RADIL: variants seen among roughly 807,000 people sequenced by gnomAD.
RADIL encodes Rap associating with DIL domain, also known as ras-associating and dilute domain-containing protein.
Under a neutral mutation model 97.6 loss-of-function variants are expected in RADIL, and 99 were observed. The ratio of observed to expected loss-of-function variants is 1.01; its 90% CI spans 0.86 to 1.20. The LOEUF is 1.20. Ranked by LOEUF, RADIL falls within the 50% of genes most tolerant of loss-of-function variation. RADIL has a pLI of 0.00. For missense variants in RADIL, 1,765 were observed against 1,498.9 expected (o/e 1.18, Z -2.93); for synonymous variants, 803 against 691.8 (o/e 1.16, Z -2.52).
chr7:4,860,732 G>T (rs758109462), intron 2 of RADIL: 3 of 1,614,034 alleles, frequency 1.9e-6, no homozygotes, highest in Non-Finnish European at 2.5e-6. Flanking sequence ...AAAGAGTTTG[G>T]ACCACTCTGC....
intron 2 of RADIL, among the ~76,000 whole-genome samples, chr7:4,866,173 G>A (rs1365962170): frequency 6.6e-6 from 1 of 152,042 alleles, no homozygotes; most frequent in African/African-American, 2.4e-5. Flanking sequence ...AAGAGATAAG[G>A]TCTCCTCTGT....
intron 12 of RADIL, among the ~76,000 whole-genome samples, chr7:4,800,847 G>A (rs1782059378): frequency 6.6e-6 from 1 of 152,164 alleles, no homozygotes; most frequent in Admixed American, 6.5e-5. Context: ...GGCCTGCCTG[G>A]GACCCAGCTT....
In RADIL at chr7:4,873,121, C is replaced by T. The variant is rs893707015; in HGVS notation, c.535+4484G>A. Among the ~76,000 whole-genome samples, 2 of 152,238 alleles carry T rather than the reference C, an allele frequency of 1.3e-5. No individual in the cohort carries two copies. Among genetic ancestry groups the T allele is most frequent in the South Asian group, 2.1e-4 (1 of 4,814 alleles). On this transcript the variant is annotated intron_variant, in intron 2 of 14. Coordinates refer to ENST00000399583, the MANE Select transcript of RADIL (RefSeq NM_018059.5). This position sits in a 1 kb window ranked among gnomAD's most constrained non-coding sequence, Gnocchi z 4.3. ...ACTTCTTTTATATTTTCAGTAGAGA[C>T]GGGGTTTCACCATGTTGGTCAGACT...
chr7:4,851,791 G>A (rs1783715330), intron 2 of RADIL, among the ~76,000 whole-genome samples: 2 of 152,176 alleles, frequency 1.3e-5, no homozygotes, highest in Non-Finnish European at 1.5e-5. Flanking sequence ...TTGAAAATGC[G>A]CAGCCTTCCC....
At chr7:4,848,556 G>A (rs1783632434) in intron 2 of RADIL, among the ~76,000 whole-genome samples, 1 of 151,618 alleles carries the variant, frequency 6.6e-6, no homozygotes, top group African/African-American at 2.4e-5. Context: ...CAAGCAAGAA[G>A]GACAATAATT....
In RADIL at chr7:4,835,753, G is replaced by A. The variant is rs977541931; in HGVS notation, c.784-514C>T. Among the ~76,000 whole-genome samples the A allele has an allele frequency of 5.9e-5, 9 of 152,134 alleles. No homozygotes were observed. The highest frequency in any genetic ancestry group is 5.9e-5 in the Non-Finnish European group (4 of 67,996). On this transcript the variant is annotated intron_variant, in intron 3 of 14. Coordinates refer to ENST00000399583, the MANE Select transcript of RADIL (RefSeq NM_018059.5). The surrounding 1 kb of genome is among the most constrained non-coding windows in gnomAD (Gnocchi z 5.8). Reference sequence around the variant, plus strand: ...GAAATGAGCAGCAAAGGAGCTGGCTGCACAGGAGGGCGGGGGTAGGGTGAG... The same window carrying A: ...GAAATGAGCAGCAAAGGAGCTGGCTACACAGGAGGGCGGGGGTAGGGTGAG...
In RADIL at chr7:4,801,829, C is replaced by T. The variant is rs544298012; in HGVS notation, c.2666G>A (p.Gly889Asp). 44 of 1,604,886 alleles carry T rather than the reference C, an allele frequency of 2.7e-5. 1 individual carries two copies. In the South Asian group the frequency reaches 3.3e-4, roughly 12 times the overall value. ...CGTGTGCGGGGGGCCAGCCTGGGAGCCCCCACGGCTGGGTTGCCTTCCAGG... is the reference window on the plus strand; with the variant it reads ...CGTGTGCGGGGGGCCAGCCTGGGAGTCCCCACGGCTGGGTTGCCTTCCAGG... ...APPGRQPSRG[G>D]SQAGPPHTDS... Residue 889 changes from glycine (G) to aspartate (D), a missense_variant, in exon 12 of 15, where the codon GGC becomes GAC. Transcript: ENST00000399583.
intron 9 of RADIL, chr7:4,809,270 G>A (rs778046818): frequency 2.0e-6 from 2 of 985,168 alleles, no homozygotes; most frequent in Admixed American, 6.2e-5. Flanking sequence ...GCGAGAGGCC[G>A]GGGCCCCCCT....
intron 5 of RADIL, among the ~76,000 whole-genome samples, chr7:4,823,982 C>T (rs1782905620): frequency 6.6e-6 from 1 of 152,226 alleles, no homozygotes; most frequent in South Asian, 2.1e-4. Context: ...ATGCATTCAT[C>T]CCTAAGTCTC....
chr7:4,861,844 C>CACCACCGCGACCTTCACGTCCCCA (rs769998915), intron 2 of RADIL: 1 of 1,394,990 alleles, frequency 7.2e-7, no homozygotes, highest in Non-Finnish European at 9.3e-7. Context: ...GCACGTCCCC[C>CACCACCGCGACCTTCACGTCCCCA]ACCACCGCGA....
chr7:4,847,925 G>A (rs905373796), intron 2 of RADIL, among the ~76,000 whole-genome samples: 1 of 152,168 alleles, frequency 6.6e-6, no homozygotes, highest in Non-Finnish European at 1.5e-5. Flanking sequence ...GCCGGGTGCA[G>A]TGGCTCTCGC....
intron 2 of RADIL, among the ~76,000 whole-genome samples, chr7:4,871,451 G>A (rs950084977): frequency 2.8e-4 from 43 of 152,234 alleles, no homozygotes; most frequent in Non-Finnish European, 7.3e-5. Context: ...TCATCGGGGA[G>A]GCCGAGTCCT....
At chr7:4,860,307 CATG>C (rs751300171) in intron 2 of RADIL, 1 of 1,613,990 alleles carries the variant, frequency 6.2e-7, no homozygotes, top group Non-Finnish European at 8.5e-7. Flanking sequence ...TCCTGAAGCA[CATG>C]ATGAGGCAGC....
At position 4,837,376 on chromosome 7, in the gene RADIL, C is replaced by T. The variant is rs918517431; in HGVS notation, c.536-771G>A. Among the ~76,000 whole-genome samples, 8 of 152,286 alleles carry T rather than the reference C, an allele frequency of 5.3e-5. No individual in the cohort carries two copies. The highest frequency in any genetic ancestry group is 1.2e-4 in the African/African-American group (5 of 41,564). On this transcript the variant is annotated intron_variant, in intron 2 of 14. Coordinates refer to ENST00000399583, the MANE Select transcript of RADIL (RefSeq NM_018059.5). The surrounding 1 kb of genome is among the most constrained non-coding windows in gnomAD (Gnocchi z 5.6). ...AACTCCCCTGGGGGTGGTGCTCTGACGAGACGAGACGGACTGGTCAGCATC... is the reference window on the plus strand; with the variant it reads ...AACTCCCCTGGGGGTGGTGCTCTGATGAGACGAGACGGACTGGTCAGCATC...
rs992577262 is a variant in RADIL at position 4,880,881 on chromosome 7, A to G, written c.-64-2678T>C. On this transcript the variant is annotated intron_variant, in intron 1 of 14. Transcript: ENST00000399583. This position sits in a 1 kb window ranked among gnomAD's most constrained non-coding sequence, Gnocchi z 4.5. ...AAAGGCCAAGGCAGGAGAATGGCTTAAGGCCAGGAGTTCAAGACTAGCCTG... is the reference window on the plus strand; with the variant it reads ...AAAGGCCAAGGCAGGAGAATGGCTTGAGGCCAGGAGTTCAAGACTAGCCTG... Among the ~76,000 whole-genome samples the G allele has an allele frequency of 3.3e-5, 5 of 152,218 alleles. No individual in the cohort carries two copies. The highest frequency in any genetic ancestry group is 9.6e-5 in the African/African-American group (4 of 41,456).
At chr7:4,806,858 C>A (rs1344054417) in intron 9 of RADIL, among the ~76,000 whole-genome samples, 1 of 152,188 alleles carries the variant, frequency 6.6e-6, no homozygotes, top group East Asian at 1.9e-4. Flanking sequence ...GACTCCCGTG[C>A]TGCTCGTCCA....
At chr7:4,881,232 T>C (rs1228392748) in intron 1 of RADIL, among the ~76,000 whole-genome samples, 1 of 129,102 alleles carries the variant, frequency 7.7e-6, no homozygotes, top group Non-Finnish European at 1.6e-5. Context: ...TGGCTAACAC[T>C]ATGAAACCCT....
Position 4,834,659 on chromosome 7 carries a change from G to A in RADIL, c.1364C>T (p.Thr455Ile). ...QHSATHFQPG[T>I]FGQLLLKIAR... ...TATCTTGAGCAGGAGCTGCCCGAAT[G>A]TGCCCGGCTGGAAGTGGGTGGCCGA... Residue 455 changes from threonine to isoleucine, a missense_variant, in exon 4 of 15, where the codon ACA becomes ATA. By Grantham distance (89) the Thr-to-Ile change is moderately conservative. Transcript: ENST00000399583. The surrounding 1 kb of genome is among the most constrained non-coding windows in gnomAD (Gnocchi z 6.0). 1.5e-6 allele frequency: 2 copies of A among 1,365,718 alleles called. No individual in the cohort carries two copies. Among genetic ancestry groups the A allele is most frequent in the South Asian group, 2.2e-5 (1 of 45,346 alleles). The allele number at this position is 1,365,718 out of a possible 1,614,324, so 84.6% of individuals were successfully genotyped here. A position where few individuals can be genotyped will look rare whatever the true frequency, so the allele number is the denominator to read the frequency against.
At chr7:4,877,504 G>T in intron 2 of RADIL, 101 bp downstream of exon 2, 2 of 1,334,928 alleles carry the variant, frequency 1.5e-6, no homozygotes, top group Non-Finnish European at 2.0e-6. Flanking sequence ...GAGCGAGCCC[G>T]CCCCACGCAT....
Sources: gnomAD v4.1 joint callset for allele counts (sites outside exome capture counted in the v4.1 genomes callset) on GRCh38, gnomAD v4.1.1 for gene constraint, Gnocchi (gnomAD v3.1) non-coding constraint, MANE v1.5 for transcripts, NCBI Gene and HGNC (gene_info 2026-07-23, HGNC 2026-07-21) for gene names.